Variants in BTG4 observed in about 807,000 individuals in gnomAD.
BTG4 encodes the protein BTG anti-proliferation factor 4, also known as protein BTG4.
A neutral mutation model predicts 19.3 loss-of-function variants in BTG4; 10 were observed. The observed-to-expected ratio is 0.52, with a 90% CI of 0.32 to 0.88. The LOEUF (loss-of-function observed/expected upper bound fraction) is 0.88, where lower values mean the gene tolerates loss of function less well. BTG4 is among the 40% of genes least tolerant of loss of function. The probability of loss-of-function intolerance (pLI) is 0.04; values close to 1 mark genes in which losing one functional copy is unlikely to be tolerated. For synonymous variants in BTG4, 91 were observed against 95.7 expected (o/e 0.95, Z 0.29); for missense variants, 238 against 281.9 (o/e 0.84, Z 1.11).
upstream of BTG4, among the ~76,000 whole-genome samples, chr11:111,512,610 A>G (rs548351165): frequency 1.1e-4 from 16 of 152,202 alleles, no homozygotes; most frequent in Non-Finnish European, 2.1e-4. Flanking sequence ...GGGAAAGGAA[A>G]AGCGAGGGGA....
chr11:111,456,398 G>T, the BTG4 span: 6 of 409,788 alleles, frequency 1.5e-5, no homozygotes, highest in East Asian at 3.6e-4. This position sits in a 1 kb window ranked among gnomAD's most constrained non-coding sequence, Gnocchi z 4.2. Context: ...GTCTGTGGAG[G>T]CTGGGGAGGA....
the BTG4 span, among the ~76,000 whole-genome samples, chr11:111,412,534 C>G: frequency 4.4e-4 from 67 of 152,100 alleles, no homozygotes; most frequent in Non-Finnish European, 4.3e-4. Context: ...GGGTTTGAGG[C>G]AGTTTATAGA....
the BTG4 span, chr11:111,452,336 G>A: frequency 6.6e-6 from 1 of 152,240 alleles, no homozygotes; most frequent in Non-Finnish European, 1.5e-5. Context: ...GGCCGGCGTG[G>A]GTCCCACTCT....
At chr11:111,459,607 T>A in the BTG4 span, 1 of 152,620 alleles carries the variant, frequency 6.6e-6, no homozygotes, top group African/African-American at 2.4e-5. Flanking sequence ...TCACTCCCTC[T>A]CCCCCTGGTG....
At chr11:111,505,007 T>C (rs992538196) in intron 1 of BTG4, among the ~76,000 whole-genome samples, 3 of 152,120 alleles carry the variant, frequency 2.0e-5, no homozygotes, top group Middle Eastern at 3.4e-3. Flanking sequence ...ATGCTATGAA[T>C]TGGAAGAATT....
the BTG4 span, among the ~76,000 whole-genome samples, chr11:111,430,061 G>A: frequency 9.2e-5 from 14 of 152,298 alleles, no homozygotes; most frequent in East Asian, 2.5e-3. Context: ...AACGCTTATG[G>A]TGCATTGTCA....
the BTG4 span, among the ~76,000 whole-genome samples, chr11:111,409,247 T>C: frequency 6.6e-6 from 1 of 152,012 alleles, no homozygotes; most frequent in Admixed American, 6.6e-5. Context: ...GGTGCTGTGG[T>C]TTAGATATAA....
the BTG4 span, chr11:111,458,320 G>C: frequency 1.3e-5 from 2 of 152,368 alleles, no homozygotes; most frequent in South Asian, 4.1e-4. Flanking sequence ...TAAGCTCAGG[G>C]ACAGGGCTGC....
the BTG4 span, among the ~76,000 whole-genome samples, chr11:111,437,502 C>T: frequency 6.6e-6 from 1 of 152,214 alleles, no homozygotes; most frequent in Non-Finnish European, 1.5e-5. Flanking sequence ...ATGCTCCAAT[C>T]TGGGCCCAAG....
chr11:111,448,281 G>A, the BTG4 span, among the ~76,000 whole-genome samples: 9 of 152,208 alleles, frequency 5.9e-5, no homozygotes, highest in Admixed American at 5.9e-4. Context: ...AGCTCTGGGG[G>A]AAGATGCTGG....
chr11:111,465,951 C>T (rs1463872313), downstream of BTG4, among the ~76,000 whole-genome samples: 1 of 152,168 alleles, frequency 6.6e-6, no homozygotes, highest in Non-Finnish European at 1.5e-5. Context: ...TTATTAATTC[C>T]TCCTTTCTTT....
chr11:111,435,641 A>G, the BTG4 span, among the ~76,000 whole-genome samples: 1 of 152,172 alleles, frequency 6.6e-6, no homozygotes, highest in African/African-American at 2.4e-5. Flanking sequence ...AGGTTTGTGG[A>G]CACTCGTGCC....
downstream of BTG4, among the ~76,000 whole-genome samples, chr11:111,494,215 G>A (rs961306374): frequency 2.6e-5 from 4 of 152,200 alleles, no homozygotes; most frequent in Non-Finnish European, 5.9e-5. Flanking sequence ...GAGAGCACAG[G>A]AGGGTGGAGT....
the BTG4 span, among the ~76,000 whole-genome samples, chr11:111,406,537 C>A: frequency 5.9e-5 from 9 of 152,184 alleles, no homozygotes; most frequent in Non-Finnish European, 1.2e-4. Flanking sequence ...TCTTTGTCAT[C>A]ATTTTTTCCC....
chr11:111,464,121 C>T (rs578251252), downstream of BTG4, among the ~76,000 whole-genome samples: 1 of 152,118 alleles, frequency 6.6e-6, no homozygotes, highest in East Asian at 1.9e-4. Flanking sequence ...CTCAGCCTCC[C>T]GAGTAGCTGG....
chr11:111,428,083 G>A, the BTG4 span, among the ~76,000 whole-genome samples: 1 of 152,156 alleles, frequency 6.6e-6, no homozygotes, highest in East Asian at 1.9e-4. Flanking sequence ...TATTTTCCTC[G>A]CCAAGAGCTA....
the BTG4 span, among the ~76,000 whole-genome samples, chr11:111,424,138 A>G: frequency 6.6e-6 from 1 of 152,226 alleles, no homozygotes; most frequent in Non-Finnish European, 1.5e-5. Context: ...GCTCTTAGCT[A>G]GAGAAACACT....
rs558090056 is a variant in BTG4 at position 111,507,671 on chromosome 11, T to C, written c.-27+4510A>G. 4.5e-4 allele frequency among the ~76,000 whole-genome samples: 69 copies of C among 152,340 alleles called. 1 individual carries two copies. In the South Asian group the frequency reaches 0.014, roughly 31 times the overall value. On this transcript the variant is annotated intron_variant, in intron 1 of 4. Transcript: ENST00000692032. ...GAATTTTAAAATAGCTTGGTTTTTGTGAGAGTCCTCTCTTCTGCTTCCTGT... is the reference window on the plus strand; with the variant it reads ...GAATTTTAAAATAGCTTGGTTTTTGCGAGAGTCCTCTCTTCTGCTTCCTGT...
chr11:111,392,167 TTC>T, the BTG4 span, among the ~76,000 whole-genome samples: 1 of 123,590 alleles, frequency 8.1e-6, no homozygotes, highest in African/African-American at 2.9e-5. Context: ...TCCTGTGATT[TTC>T]TTTTTTTTTT....
Sources: allele counts gnomAD v4.1 joint callset (sites outside exome capture counted in the v4.1 genomes callset), GRCh38; gene constraint gnomAD v4.1.1; non-coding constraint Gnocchi (gnomAD v3.1); transcripts MANE v1.5; gene names NCBI Gene and HGNC (gene_info 2026-07-23, HGNC 2026-07-21).